FMNL2: variants seen among roughly 807,000 people sequenced by gnomAD.
The protein encoded by FMNL2 is formin-like protein 2.
Under a neutral mutation model 130.2 loss-of-function variants are expected in FMNL2, and 51 were observed. That is an observed-to-expected ratio of 0.39 (90% CI 0.31 to 0.49). The LOEUF (loss-of-function observed/expected upper bound fraction) is 0.49. Ranked by LOEUF, FMNL2 falls within the 20% of genes least tolerant of loss-of-function variation. The pLI is 0.85. For missense variants in FMNL2, 977 were observed against 1,316.2 expected (o/e 0.74, Z 3.99); for synonymous variants, 465 against 467.1 (o/e 1.00, Z 0.06).
At chr2:152,434,536 C>T (rs1451344073) in intron 1 of FMNL2, among the ~76,000 whole-genome samples, 5 of 152,096 alleles carry the variant, frequency 3.3e-5, no homozygotes, top group African/African-American at 1.2e-4. Flanking sequence ...TCCCAGCTGG[C>T]CCCTGATTTT....
At chr2:152,582,105 T>G (rs1446754791) in intron 9 of FMNL2, among the ~76,000 whole-genome samples, 5 of 152,222 alleles carry the variant, frequency 3.3e-5, no homozygotes, top group Admixed American at 3.3e-4. Flanking sequence ...ATACATAGTT[T>G]ACCTGTGGTC....
chr2:152,541,302 A>G (rs1036653187), intron 2 of FMNL2, among the ~76,000 whole-genome samples: 12 of 152,144 alleles, frequency 7.9e-5, no homozygotes, highest in African/African-American at 2.7e-4. Context: ...GACTACAGGC[A>G]TGTGCCACCA....
chr2:152,338,832 C>CACACACACACAT (rs1206015798), intron 1 of FMNL2, among the ~76,000 whole-genome samples: 26 of 145,246 alleles, frequency 1.8e-4, no homozygotes, highest in African/African-American at 6.2e-4. Context: ...CACACACACA[C>CACACACACACAT]ACACACACAC....
chr2:152,443,153 G>A (rs781280398), intron 1 of FMNL2, among the ~76,000 whole-genome samples: 1 of 152,160 alleles, frequency 6.6e-6, no homozygotes, highest in Non-Finnish European at 1.5e-5. Context: ...AGGTGAAGCC[G>A]GGGTTTCTGG....
chr2:152,490,855 ATG>A (rs1426818570), intron 1 of FMNL2, among the ~76,000 whole-genome samples: 7 of 152,240 alleles, frequency 4.6e-5, no homozygotes, highest in Admixed American at 3.3e-4. Context: ...GGAAAGGCAA[ATG>A]TGTTGTGTAG....
At chr2:152,574,407 G>T (rs904873833) in intron 6 of FMNL2, among the ~76,000 whole-genome samples, 1 of 141,354 alleles carries the variant, frequency 7.1e-6, no homozygotes, top group African/African-American at 2.7e-5. Context: ...CTGCACGCCA[G>T]CCTGGTGACA....
intron 11 of FMNL2, among the ~76,000 whole-genome samples, chr2:152,613,716 C>T (rs1359142614): frequency 6.6e-6 from 1 of 152,154 alleles, no homozygotes; most frequent in Admixed American, 6.6e-5. Flanking sequence ...TATATAAATG[C>T]TTCACTAGTT....
chr2:152,553,603 A>T (rs1695051718), intron 4 of FMNL2, among the ~76,000 whole-genome samples: 1 of 150,676 alleles, frequency 6.6e-6, no homozygotes, highest in South Asian at 2.1e-4. Flanking sequence ...GAACCCCAAT[A>T]AGCTTTTGTT....
At chr2:152,392,558 C>T (rs1685172464) in intron 1 of FMNL2, among the ~76,000 whole-genome samples, 1 of 152,192 alleles carries the variant, frequency 6.6e-6, no homozygotes, top group South Asian at 2.1e-4. Flanking sequence ...TGAGGACCCT[C>T]TTGCTGCATC....
chr2:152,467,985 G>T (rs1297789755), intron 1 of FMNL2, among the ~76,000 whole-genome samples: 1 of 152,224 alleles, frequency 6.6e-6, no homozygotes, highest in Non-Finnish European at 1.5e-5. Context: ...AGAAGATCTG[G>T]ATTTTCAAGC....
chr2:152,393,262 T>C (rs1685218127), intron 1 of FMNL2, among the ~76,000 whole-genome samples: 1 of 152,214 alleles, frequency 6.6e-6, no homozygotes, highest in African/African-American at 2.4e-5. Context: ...TTATAAGATA[T>C]GTCTTAATTT....
intron 1 of FMNL2, among the ~76,000 whole-genome samples, chr2:152,444,331 G>T (rs1688225351): frequency 6.6e-6 from 1 of 152,096 alleles, no homozygotes; most frequent in African/African-American, 2.4e-5. Context: ...GGAGACCACC[G>T]CCCAGACCCT....
At chr2:152,545,273 A>G (rs1694558429) in intron 3 of FMNL2, among the ~76,000 whole-genome samples, 1 of 152,146 alleles carries the variant, frequency 6.6e-6, no homozygotes, top group Non-Finnish European at 1.5e-5. Flanking sequence ...ATGGTGGGGG[A>G]GAAAAAGATT....
intron 9 of FMNL2, among the ~76,000 whole-genome samples, chr2:152,601,465 T>C (rs565538118): frequency 1.3e-5 from 2 of 151,730 alleles, no homozygotes; most frequent in South Asian, 2.1e-4. Context: ...GACGCCCAGC[T>C]AATTTTTGCA....
intron 6 of FMNL2, among the ~76,000 whole-genome samples, chr2:152,562,803 C>T (rs1695602515): frequency 6.6e-6 from 1 of 152,094 alleles, no homozygotes; most frequent in African/African-American, 2.4e-5. Context: ...GATGAATTTC[C>T]TGATCACCTT....
intron 1 of FMNL2, among the ~76,000 whole-genome samples, chr2:152,513,313 G>A (rs1306305991): frequency 2.0e-5 from 3 of 152,070 alleles, no homozygotes; most frequent in Admixed American, 6.5e-5. Flanking sequence ...GTGTGGTGAG[G>A]ACTTAAGATT....
intron 1 of FMNL2, among the ~76,000 whole-genome samples, chr2:152,466,221 G>A (rs549092931): frequency 1.4e-4 from 22 of 152,100 alleles, no homozygotes; most frequent in Non-Finnish European, 3.1e-4. Context: ...GCCTCCATCC[G>A]GACACCACGT....
Position 152,639,037 on chromosome 2 carries a change from C to A in FMNL2, c.2947-921C>A, listed in dbSNP as rs182616683. Among the ~76,000 whole-genome samples, 4 of 104,002 alleles carry A rather than the reference C, an allele frequency of 3.8e-5. No homozygotes were observed. The East Asian group carries it at 1.1e-3, about 29-fold the overall frequency. The allele number at this position is 104,002 out of a possible 152,430, so 68.2% of individuals were successfully genotyped here. On this transcript the variant is annotated intron_variant, in intron 23 of 25. Coordinates refer to ENST00000288670, the MANE Select transcript of FMNL2 (RefSeq NM_052905.4). ...AGCCTGTCCATCAGCGTGCTCCTTC[C>A]ACCTCACTGTTCCTCCCTGTGATTT...
intron 9 of FMNL2, among the ~76,000 whole-genome samples, chr2:152,585,920 CAAA>C (rs34744900): frequency 3.5e-3 from 461 of 129,988 alleles, no homozygotes; most frequent in African/African-American, 8.8e-3. Context: ...AAAGGTTTGG[CAAA>C]AAAAAAAAAA....
Sources: allele counts gnomAD v4.1 joint callset (sites outside exome capture counted in the v4.1 genomes callset), GRCh38; gene constraint gnomAD v4.1.1; transcripts MANE v1.5; gene names NCBI Gene and HGNC (gene_info 2026-07-23, HGNC 2026-07-21).